Variants in DPPA4 observed in about 807,000 individuals in gnomAD.
DPPA4 encodes developmental pluripotency-associated protein 4.
Under a neutral mutation model 33.7 loss-of-function variants are expected in DPPA4, and 22 were observed. That is an observed-to-expected ratio of 0.65 (90% CI 0.47 to 0.93). DPPA4 has a LOEUF of 0.93. DPPA4 is among the 40% of genes least tolerant of loss of function. The probability of loss-of-function intolerance (pLI) is 0.00; values close to 1 mark genes in which losing one functional copy is unlikely to be tolerated. For synonymous variants in DPPA4, 156 were observed against 132.3 expected (o/e 1.18, Z -1.23); for missense variants, 340 against 358.6 (o/e 0.95, Z 0.42).
chr3:109,333,925 C>T lies in DPPA4; in HGVS notation c.123G>A (p.Leu41=). 6.2e-7 allele frequency: 1 copy of T among 1,614,120 alleles called. No individual in the cohort carries two copies. Among genetic ancestry groups the T allele is most frequent in the Non-Finnish European group, 8.5e-7 (1 of 1,180,016 alleles). ...QASNQPNSIA[L]PGTSAKRTKE... ...TGGTTCTCTTTGCTGATGTTCCTGGCAAAGCAATTGAATTTGGTTGATTAG... is the reference window on the plus strand; with the variant it reads ...TGGTTCTCTTTGCTGATGTTCCTGGTAAAGCAATTGAATTTGGTTGATTAG... Residue 41 remains leucine (L), a synonymous_variant, in exon 2 of 7, where the codon TTG becomes TTA. Transcript: ENST00000335658.
At chr3:109,330,300 CAAAAAAAAAAAAAAAAAAA>C (rs71129042) in intron 5 of DPPA4, 29,478 of 333,114 alleles carry the variant, frequency 0.088, 19 homozygotes, top group East Asian at 0.17. Flanking sequence ...GAAACTGTCT[CAAAAAAAAAAAAAAAAAAA>C]AAAAAAAAAA....
chr3:109,339,282 C>T (rs1427725342), upstream of DPPA4, among the ~76,000 whole-genome samples: 1 of 152,166 alleles, frequency 6.6e-6, no homozygotes, highest in Non-Finnish European at 1.5e-5. Flanking sequence ...GCTTTAGCAG[C>T]TAGCCAGACA....
At chr3:109,331,106 C>T (rs957941496) in intron 4 of DPPA4, among the ~76,000 whole-genome samples, 4 of 150,088 alleles carry the variant, frequency 2.7e-5, no homozygotes, top group Non-Finnish European at 3.0e-5. Context: ...GGTGAAATCC[C>T]GTCTCTACTA....
intron 2 of DPPA4, among the ~76,000 whole-genome samples, chr3:109,333,227 G>A (rs1708118939): frequency 6.6e-6 from 1 of 151,722 alleles, no homozygotes; most frequent in African/African-American, 2.4e-5. Flanking sequence ...TGCAATCCTA[G>A]CTAACTTGGG....
At chr3:109,331,668 C>T in intron 4 of DPPA4, 66 bp downstream of exon 4, 2 of 1,481,280 alleles carry the variant, frequency 1.4e-6, no homozygotes, top group South Asian at 1.1e-5. Flanking sequence ...AGTTCCTTTA[C>T]TCACTTTTGA....
At chr3:109,337,698 C>T, upstream of DPPA4, 2 of 621,172 alleles carry the variant, frequency 3.2e-6, no homozygotes, top group Non-Finnish European at 2.9e-6. Context: ...TGACTTTTGT[C>T]TGGGTTGAAT....
At position 109,329,015 on chromosome 3, in the gene DPPA4, A is replaced by G. The variant is rs1354907294; in HGVS notation, c.753T>C (p.His251=). The part of the protein sequence containing the change: ...DTDGWVHLQF[H]AGQAWVPEKQ... ...TTTCTGGAACCCAGGCTTGACCAGC[A>G]TGAAACTGCAGGTGAACCCAACCAT... The change falls in exon 6 of 7, where the codon CAT becomes CAC. Residue 251 remains histidine (H), a synonymous_variant. Coordinates refer to ENST00000335658, the MANE Select transcript of DPPA4 (RefSeq NM_018189.4). 1 of 1,614,132 alleles carries G rather than the reference A, an allele frequency of 6.2e-7. No homozygotes were observed. Among genetic ancestry groups the G allele is most frequent in the East Asian group, 2.2e-5 (1 of 44,868 alleles).
At chr3:109,331,315 A>G (rs1708070459) in intron 4 of DPPA4, among the ~76,000 whole-genome samples, 1 of 147,342 alleles carries the variant, frequency 6.8e-6, no homozygotes. Flanking sequence ...AAATGAAAAG[A>G]AAAAAATAGA....
intron 4 of DPPA4, among the ~76,000 whole-genome samples, chr3:109,331,109 C>G (rs1708061530): frequency 6.6e-6 from 1 of 150,546 alleles, no homozygotes; most frequent in South Asian, 2.1e-4. Context: ...GAAATCCCGT[C>G]TCTACTAAAA....
chr3:109,338,950 G>C (rs1708261791), upstream of DPPA4, among the ~76,000 whole-genome samples: 1 of 152,052 alleles, frequency 6.6e-6, no homozygotes, highest in Non-Finnish European at 1.5e-5. Context: ...TCAGCACTTT[G>C]GGGGGCTGAG....
chr3:109,331,260 C>CAAAAAAAAAAAAAAAAAAAAA (rs10593582), intron 4 of DPPA4, among the ~76,000 whole-genome samples: 8 of 58,406 alleles, frequency 1.4e-4, no homozygotes, highest in South Asian at 9.2e-4. Flanking sequence ...GACTCTGTCT[C>CAAAAAAAAAAAAAAAAAAAAA]AAAAAAAAAA....
chr3:109,337,195 C>T (rs1470092919), intron 1 of DPPA4, among the ~76,000 whole-genome samples: 3 of 150,332 alleles, frequency 2.0e-5, no homozygotes, highest in Non-Finnish European at 2.9e-5. Flanking sequence ...CCACCGCGCC[C>T]GGCCTCTTTT....
intron 1 of DPPA4, among the ~76,000 whole-genome samples, chr3:109,334,640 T>G (rs377641120): frequency 6.6e-6 from 1 of 152,156 alleles, no homozygotes; most frequent in East Asian, 1.9e-4. Flanking sequence ...AATAATTTTC[T>G]AACACTGTTG....
intron 4 of DPPA4, among the ~76,000 whole-genome samples, 171 bp downstream of exon 4, chr3:109,331,563 A>G (rs7627859): frequency 6.8e-5 from 10 of 146,560 alleles, no homozygotes; most frequent in African/African-American, 2.6e-4. Context: ...AAAAAAAAAA[A>G]AAAAGAAAGA....
chr3:109,327,751 C>T lies in DPPA4; in HGVS notation c.*237G>A. The T allele has an allele frequency of 2.4e-6, 1 of 423,338 alleles. No individual in the cohort carries two copies. Among genetic ancestry groups the T allele is most frequent in the Non-Finnish European group, 4.2e-6 (1 of 237,776 alleles). The allele number at this position is 423,338 out of a possible 1,614,324, so 26.2% of individuals were successfully genotyped here. On this transcript the variant is annotated 3_prime_UTR_variant, in exon 7 of 7. Transcript: ENST00000335658. The stretch of plus-strand genomic sequence containing the variant: ...AATGAGTTTTTCTACATATTAACTA[C>T]AATTTATGGTAATTTGTGAAATGTT...
chr3:109,333,896 T>A lies in DPPA4; in HGVS notation c.152A>T (p.Glu51Val), dbSNP rs774283353. The A allele has an allele frequency of 1.9e-6, 3 of 1,614,060 alleles. No individual in the cohort carries two copies. In the South Asian group the frequency reaches 3.3e-5, roughly 18 times the overall value. The stretch of plus-strand genomic sequence containing the variant: ...TTTACTGCCTTTGATAGACATTTTT[T>A]CTTTGGTTCTCTTTGCTGATGTTCC... ...LPGTSAKRTK[E>V]KMSIKGSKVL... Residue 51 changes from glutamate (E) to valine (V), a missense_variant, in exon 2 of 7, where the codon GAA (glutamate) becomes GTA (valine). Around this residue, in one of 3 missense-constraint regions of DPPA4, gnomAD observed 96 missense variants for 91.8 expected, o/e 1.05. Coordinates refer to ENST00000335658, the MANE Select transcript of DPPA4 (RefSeq NM_018189.4).
At chr3:109,336,239 T>C (rs1179832648) in intron 1 of DPPA4, 1 of 152,174 alleles carries the variant, frequency 6.6e-6, no homozygotes, top group Non-Finnish European at 1.5e-5. Flanking sequence ...TTAACATTTG[T>C]ATGGCATTTT....
Position 109,331,911 on chromosome 3 carries a change from C to T in DPPA4, c.299G>A (p.Arg100Gln). The T allele has an allele frequency of 6.2e-7, 1 of 1,614,024 alleles. No individual in the cohort carries two copies. The highest frequency in any genetic ancestry group is 8.5e-7 in the Non-Finnish European group (1 of 1,180,016). The change falls in exon 3 of 7, where the codon CGG becomes CAG. Residue 100 changes from arginine to glutamine, a missense_variant. Arg to Gln is a conservative substitution (Grantham distance 43). Transcript: ENST00000335658. ...PVNLIHRDIL[R>Q]AWCQQLKLSS... ...CAGCTTCAATTGTTGGCACCAGGCCCGCAGAATGTCCCGGTGAATCAGATT... is the reference window on the plus strand; with the variant it reads ...CAGCTTCAATTGTTGGCACCAGGCCTGCAGAATGTCCCGGTGAATCAGATT...
At chr3:109,337,694 T>C (rs1221143808), upstream of DPPA4, 8 of 622,740 alleles carry the variant, frequency 1.3e-5, no homozygotes, top group Admixed American at 1.4e-4. Context: ...GGGGTGACTT[T>C]TGTCTGGGTT....
Sources: allele counts gnomAD v4.1 joint callset (sites outside exome capture counted in the v4.1 genomes callset), GRCh38; gene constraint gnomAD v4.1.1; regional missense constraint gnomAD v4.1.1; transcripts MANE v1.5; gene names NCBI Gene and HGNC (gene_info 2026-07-23, HGNC 2026-07-21).